MROH7: variants seen among roughly 807,000 people sequenced by gnomAD.
The protein encoded by MROH7 is maestro heat-like repeat-containing protein family member 7.
In MROH7, 113 loss-of-function variants were observed where a neutral mutation model predicts 129.2. The ratio of observed to expected loss-of-function variants is 0.87; its 90% CI spans 0.75 to 1.02. MROH7 has a LOEUF of 1.02. MROH7 is among the 50% of genes least tolerant of loss of function. The pLI, the probability that MROH7 is intolerant of heterozygous loss-of-function variation, is 0.00. For synonymous variants in MROH7, 655 were observed against 667.9 expected, an observed-to-expected ratio of 0.98 and a Z score of 0.30; for missense variants, 1,601 against 1,671.3, an observed-to-expected ratio of 0.96 and a Z score of 0.73.
intron 1 of MROH7, among the ~76,000 whole-genome samples, chr1:54,642,462 G>A (rs1211547788): frequency 6.6e-6 from 1 of 152,174 alleles, no homozygotes; most frequent in Non-Finnish European, 1.5e-5. Flanking sequence ...ACCTAAAAGT[G>A]GCAGAGGGAA....
At chr1:54,696,852 A>G (rs1385584378) in intron 17 of MROH7, among the ~76,000 whole-genome samples, 2 of 151,396 alleles carry the variant, frequency 1.3e-5, no homozygotes, top group Non-Finnish European at 2.9e-5. Flanking sequence ...TTGTATTTTT[A>G]GTAGAGACTG....
chr1:54,670,010 A>T (rs114591782), intron 5 of MROH7, among the ~76,000 whole-genome samples: 1 of 150,214 alleles, frequency 6.7e-6, no homozygotes, highest in Non-Finnish European at 1.5e-5. Flanking sequence ...TGTCAAAAAA[A>T]AAAAAAAAAA....
In MROH7 at chr1:54,677,140, T is replaced by A. The variant is rs182137318; in HGVS notation, c.1937-1602T>A. On this transcript the variant is annotated intron_variant, in intron 10 of 23. Transcript: ENST00000421030. ...CAGGCCGGGTGCGGTGGCTCACGCC[T>A]GTAATTCCAGCACTTTGGGAGGCCA... Among the ~76,000 whole-genome samples the A allele has an allele frequency of 1.0e-3, 159 of 152,148 alleles. No individual in the cohort carries two copies. The East Asian group carries it at 0.028, about 27-fold the overall frequency.
intron 1 of MROH7, among the ~76,000 whole-genome samples, chr1:54,643,585 A>G (rs1644419340): frequency 6.6e-6 from 1 of 152,160 alleles, no homozygotes; most frequent in Non-Finnish European, 1.5e-5. Context: ...AGGGGAGGTA[A>G]GGGAAAGCTT....
At position 54,653,317 on chromosome 1, in the gene MROH7, C is replaced by G; in HGVS notation, c.391C>G (p.Pro131Ala). The part of the protein sequence containing the change: ...LCPASNPILS[P>A]SSTEAPRLSS... ...TCCAGCCTCAAACCCCATTCTGAGC[C>G]CTAGCTCTACTGAGGCCCCTCGTCT... Residue 131 changes from proline to alanine, a missense_variant, in exon 3 of 24, where the codon CCT (proline) becomes GCT (alanine). Coordinates refer to ENST00000421030, the MANE Select transcript of MROH7 (RefSeq NM_001039464.4). 6.2e-7 allele frequency: 1 copy of G among 1,614,190 alleles called. No individual in the cohort carries two copies. Among genetic ancestry groups the G allele is most frequent in the Non-Finnish European group, 8.5e-7 (1 of 1,180,036 alleles).
chr1:54,675,866 G>T (rs1426323555), intron 10 of MROH7, among the ~76,000 whole-genome samples: 1 of 151,662 alleles, frequency 6.6e-6, no homozygotes, highest in Non-Finnish European at 1.5e-5. Context: ...GAACTTCTGG[G>T]CTCAAGTGAT....
chr1:54,675,923 ACCGCACCCCG>A (rs1644973307), intron 10 of MROH7, among the ~76,000 whole-genome samples: 1 of 151,948 alleles, frequency 6.6e-6, no homozygotes, highest in Non-Finnish European at 1.5e-5. Context: ...GGCGTGCACC[ACCGCACCCCG>A]CCGAGGCAGC....
At chr1:54,675,758 TG>T (rs1407454998) in intron 10 of MROH7, among the ~76,000 whole-genome samples, 1 of 151,448 alleles carries the variant, frequency 6.6e-6, no homozygotes, top group African/African-American at 2.4e-5. Context: ...CTACCATGCC[TG>T]GCTAAATTTT....
At chr1:54,707,724 G>C (rs1645558084) in intron 22 of MROH7, among the ~76,000 whole-genome samples, 1 of 152,118 alleles carries the variant, frequency 6.6e-6, no homozygotes, top group East Asian at 1.9e-4. Flanking sequence ...AGTGAGTAGA[G>C]CCTTGATCTG....
chr1:54,691,331 C>T (rs919198629), intron 15 of MROH7, among the ~76,000 whole-genome samples: 3 of 152,184 alleles, frequency 2.0e-5, no homozygotes, highest in Admixed American at 6.5e-5. Context: ...GGGCAAATTT[C>T]TGAGGATTAC....
intron 3 of MROH7, among the ~76,000 whole-genome samples, chr1:54,661,318 T>G (rs962375017): frequency 6.6e-6 from 1 of 152,014 alleles, no homozygotes; most frequent in African/African-American, 2.4e-5. Flanking sequence ...GCTCAAGTGA[T>G]CCTCCTGCCT....
intron 7 of MROH7, among the ~76,000 whole-genome samples, chr1:54,672,542 G>A (rs1387662396): frequency 1.3e-5 from 2 of 152,188 alleles, no homozygotes; most frequent in East Asian, 3.9e-4. Flanking sequence ...CTTCCTTAAG[G>A]GGCAACTTGG....
At chr1:54,678,056 CAT>C (rs1645009516) in intron 10 of MROH7, among the ~76,000 whole-genome samples, 6 of 152,186 alleles carry the variant, frequency 3.9e-5, no homozygotes. Context: ...CAGACAATGA[CAT>C]GTGCTGGCAA....
intron 1 of MROH7, among the ~76,000 whole-genome samples, chr1:54,646,154 G>C (rs1291866104): frequency 6.6e-6 from 1 of 152,180 alleles, no homozygotes; most frequent in Non-Finnish European, 1.5e-5. Flanking sequence ...TGGAGTGGGT[G>C]GGGGAGGCCA....
intron 1 of MROH7, among the ~76,000 whole-genome samples, chr1:54,648,376 A>ATTTATTTATTTT (rs1553168662): frequency 3.5e-5 from 5 of 141,132 alleles, no homozygotes; most frequent in African/African-American, 1.3e-4. Flanking sequence ...TTATTTATTT[A>ATTTATTTATTTT]TTTTTTGAGA....
Position 54,710,204 on chromosome 1 carries a change from A to G in MROH7, c.*17A>G. On this transcript the variant is annotated 3_prime_UTR_variant, in exon 24 of 24. Transcript: ENST00000421030. ...AAGAAGTGACGTCCCTGAGCCCCAA[A>G]CCCTCCTCAGGGTGGTTGAGTTCCA... is the stretch of plus-strand genomic sequence containing the variant. The G allele has an allele frequency of 6.2e-7, 1 of 1,606,616 alleles. No individual in the cohort carries two copies. The highest frequency in any genetic ancestry group is 1.1e-5 in the South Asian group (1 of 91,000).
Position 54,709,036 on chromosome 1 carries a change from G to C in MROH7, c.3690G>C (p.Glu1230Asp), listed in dbSNP as rs1277969001. 8 of 1,614,212 alleles carry C rather than the reference G, an allele frequency of 5.0e-6. No homozygotes were observed. The highest frequency in any genetic ancestry group is 5.9e-6 in the Non-Finnish European group (7 of 1,180,026). ...MFIGSLVPCM[E>D]SIMTEDRLNE... ...AAGGGTCCCTGGTCCCCTGCATGGA[G>C]AGCATAATGACAGAAGATCGTCTGA... The change falls in exon 23 of 24, where the codon GAG (glutamate) becomes GAC (aspartate). Residue 1230 changes from glutamate to aspartate, a missense_variant. Transcript: ENST00000421030.
chr1:54,665,861 C>T (rs1644805712), intron 4 of MROH7: 1 of 152,850 alleles, frequency 6.5e-6, no homozygotes, highest in Non-Finnish European at 1.5e-5. Flanking sequence ...CAGGCTGCTT[C>T]AGGGCCAAGC....
chr1:54,652,487 T>C (rs887329843), intron 2 of MROH7, among the ~76,000 whole-genome samples: 3 of 152,250 alleles, frequency 2.0e-5, no homozygotes, highest in African/African-American at 4.8e-5. Context: ...GTTCTTGTCA[T>C]TGCAAAGCTC....
Sources: allele counts gnomAD v4.1 joint callset (sites outside exome capture counted in the v4.1 genomes callset), GRCh38; gene constraint gnomAD v4.1.1; transcripts MANE v1.5; gene names NCBI Gene and HGNC (gene_info 2026-07-23, HGNC 2026-07-21).